TTC39A: variants seen among roughly 807,000 people sequenced by gnomAD.
The protein encoded by TTC39A is tetratricopeptide repeat domain 39A.
A neutral mutation model predicts 82.3 loss-of-function variants in TTC39A; 46 were observed. That is an observed-to-expected ratio of 0.56 (90% CI 0.44 to 0.71). TTC39A has a LOEUF of 0.71. TTC39A is among the 30% of genes least tolerant of loss of function. The pLI, the probability that TTC39A is intolerant of heterozygous loss-of-function variation, is 0.00. For synonymous variants in TTC39A, 254 were observed against 275.2 expected (o/e 0.92, Z 0.76); for missense variants, 543 against 712.9 (o/e 0.76, Z 2.71).
Position 51,294,528 on chromosome 1 carries a change from G to A in TTC39A, c.1146-17C>T, listed in dbSNP as rs1338912502. 1.2e-6 allele frequency: 2 copies of A among 1,613,494 alleles called. No individual in the cohort carries two copies. The highest frequency in any genetic ancestry group is 2.7e-5 in the African/African-American group (2 of 74,940). ...GGCACAGCTCTGCGAAAGAGATGGG[G>A]AGGGTGGGAGAGGATGAAAAAGAGC... On this transcript the variant is annotated splice_polypyrimidine_tract_variant and intron_variant, in intron 13 of 17. Transcript: ENST00000680483. This position sits in a 1 kb window ranked among gnomAD's most constrained non-coding sequence, Gnocchi z 4.3.
chr1:51,298,859 T>A (rs1049056022), intron 12 of TTC39A: 1 of 152,346 alleles, frequency 6.6e-6, no homozygotes. Flanking sequence ...TGGGCATGCC[T>A]TTAGCTCCTT....
At chr1:51,311,173 G>T in intron 5 of TTC39A, 81 bp downstream of exon 5, 2 of 1,362,720 alleles carry the variant, frequency 1.5e-6, no homozygotes, top group Non-Finnish European at 1.0e-6. Context: ...GGTCACAGTT[G>T]CTCTAGGGGA....
chr1:51,308,916 T>C (rs935400767), intron 6 of TTC39A, among the ~76,000 whole-genome samples: 6 of 152,122 alleles, frequency 3.9e-5, no homozygotes, highest in Non-Finnish European at 8.8e-5. Flanking sequence ...TTAACAGATG[T>C]GTAGGAGTTC....
chr1:51,330,386 G>T lies in TTC39A; in HGVS notation c.41+51C>A, dbSNP rs887640746. 18 of 967,966 alleles carry T rather than the reference G, an allele frequency of 1.9e-5. No individual in the cohort carries two copies. In the East Asian group the frequency reaches 2.0e-3, roughly 105 times the overall value. The allele number at this position is 967,966 out of a possible 1,614,324, so 60.0% of individuals were successfully genotyped here. A position where few individuals can be genotyped will look rare whatever the true frequency, so the allele number is the denominator to read the frequency against. ...TGGCGCGGCGCCCGCCACCTGCCCG[G>T]GCCCCAGCCCGCGCCGCCCGCGCCC... On this transcript the variant is annotated intron_variant, in intron 1 of 17. Coordinates refer to ENST00000680483, the MANE Select transcript of TTC39A (RefSeq NM_001297663.2). This position sits in a 1 kb window ranked among gnomAD's most constrained non-coding sequence, Gnocchi z 4.5.
chr1:51,331,662 T>C (rs1405609723), upstream of TTC39A: 2 of 985,078 alleles, frequency 2.0e-6, no homozygotes, highest in Admixed American at 1.2e-4. Flanking sequence ...GGAAAGGCAG[T>C]GAAGTCCCAT....
upstream of TTC39A, chr1:51,330,948 C>T: frequency 4.7e-6 from 3 of 636,236 alleles, no homozygotes; most frequent in Admixed American, 4.6e-5. The surrounding 1 kb of genome is among the most constrained non-coding windows in gnomAD (Gnocchi z 4.5). Context: ...CAGACAAAGA[C>T]AGCCCCCAGA....
chr1:51,310,340 G>A (rs1228803901), intron 5 of TTC39A, among the ~76,000 whole-genome samples: 1 of 152,186 alleles, frequency 6.6e-6, no homozygotes, highest in East Asian at 1.9e-4. Context: ...GCCCCAGGGT[G>A]AGGAGAGTTA....
intron 13 of TTC39A, chr1:51,295,742 T>C (rs1644390778): frequency 2.8e-6 from 1 of 363,520 alleles, no homozygotes; most frequent in Non-Finnish European, 5.2e-6. Flanking sequence ...TCAGGTTAAC[T>C]CAGCAGAGTG....
intron 1 of TTC39A, among the ~76,000 whole-genome samples, chr1:51,341,016 A>G (rs1646029655): frequency 6.6e-6 from 1 of 152,162 alleles, no homozygotes; most frequent in Admixed American, 6.5e-5. Flanking sequence ...TACTAAAAAT[A>G]CAAAATTAGC....
At chr1:51,309,512 G>C in intron 5 of TTC39A, 187 bp from the exon 6 acceptor site, 2 of 1,381,750 alleles carry the variant, frequency 1.4e-6, no homozygotes, top group Non-Finnish European at 1.9e-6. Context: ...GCCCAGGGTT[G>C]GACCAGCCTC....
Position 51,303,016 on chromosome 1 carries a change from G to T in TTC39A, c.763+68C>A, listed in dbSNP as rs1020776806. The T allele has an allele frequency of 3.6e-6, 5 of 1,375,114 alleles. No individual in the cohort carries two copies. In the African/African-American group the frequency reaches 5.7e-5, roughly 16 times the overall value. The allele number at this position is 1,375,114 out of a possible 1,614,324, so 85.2% of individuals were successfully genotyped here. ...CCACAGGGCATGAACAGGGTCTGTAGCCCCTCGTTCTCCTTCCCCCTTGGA... is the reference window on the plus strand; with the variant it reads ...CCACAGGGCATGAACAGGGTCTGTATCCCCTCGTTCTCCTTCCCCCTTGGA... On this transcript the variant is annotated intron_variant, in intron 9 of 17. Coordinates refer to ENST00000680483, the MANE Select transcript of TTC39A (RefSeq NM_001297663.2).
At chr1:51,325,215 T>G (rs918731375) in intron 1 of TTC39A, among the ~76,000 whole-genome samples, 4 of 151,480 alleles carry the variant, frequency 2.6e-5, no homozygotes, top group African/African-American at 7.3e-5. Context: ...GATCGCACCA[T>G]TACATTCCAG....
chr1:51,296,507 G>A (rs987094984), intron 12 of TTC39A, among the ~76,000 whole-genome samples: 8 of 152,250 alleles, frequency 5.3e-5, no homozygotes, highest in African/African-American at 1.9e-4. Flanking sequence ...GGCCCCTGAA[G>A]GGCAATGGGG....
At position 51,321,383 on chromosome 1, in the gene TTC39A, G is replaced by A. The variant is rs558755450; in HGVS notation, c.146+338C>T. Among the ~76,000 whole-genome samples the A allele has an allele frequency of 6.6e-5, 10 of 152,328 alleles. No individual in the cohort carries two copies. The highest frequency in any genetic ancestry group is 2.4e-4 in the African/African-American group (10 of 41,580). ...TGCCCTAAAACACCCAGGAAAGCAG[G>A]CAACCTAAGTCTTTAGTGCTTTGGG... is the stretch of plus-strand genomic sequence containing the variant. On this transcript the variant is annotated intron_variant, in intron 2 of 17. Coordinates refer to ENST00000680483, the MANE Select transcript of TTC39A (RefSeq NM_001297663.2). The surrounding 1 kb of genome is among the most constrained non-coding windows in gnomAD (Gnocchi z 4.6).
upstream of TTC39A, among the ~76,000 whole-genome samples, chr1:51,332,347 G>A (rs921269496): frequency 7.9e-5 from 12 of 152,114 alleles, no homozygotes; most frequent in Admixed American, 3.3e-4. Flanking sequence ...CACAACCTCC[G>A]TCTCCTGGGT....
upstream of TTC39A, chr1:51,331,215 C>T: frequency 1.4e-5 from 20 of 1,432,000 alleles, no homozygotes; most frequent in Non-Finnish European, 1.9e-5. Flanking sequence ...AACACTCTGG[C>T]CCCTTTCCCC....
intron 1 of TTC39A, among the ~76,000 whole-genome samples, chr1:51,340,286 G>C (rs1448608357): frequency 1.3e-5 from 2 of 152,210 alleles, no homozygotes; most frequent in Non-Finnish European, 2.9e-5. Context: ...GTCAGGGAGA[G>C]AAGGGCTGTG....
rs575259599 is a variant in TTC39A, at chr1:51,294,044, G to C, written c.1266+347C>G. ...AAAGGTTGGCCGAGTGAGGGGGACC[G>C]TGAAAACAATTATAATCATTGTGAC... On this transcript the variant is annotated intron_variant, in intron 14 of 17. Coordinates refer to ENST00000680483, the MANE Select transcript of TTC39A (RefSeq NM_001297663.2). This position sits in a 1 kb window ranked among gnomAD's most constrained non-coding sequence, Gnocchi z 4.3. Among the ~76,000 whole-genome samples, 1 of 152,210 alleles carries C rather than the reference G, an allele frequency of 6.6e-6. No individual in the cohort carries two copies. The highest frequency in any genetic ancestry group is 1.5e-5 in the Non-Finnish European group (1 of 68,036).
At chr1:51,290,856 G>A (rs1644183894) in intron 14 of TTC39A, among the ~76,000 whole-genome samples, 1 of 152,206 alleles carries the variant, frequency 6.6e-6, no homozygotes, top group Admixed American at 6.5e-5. Context: ...GATGTAAGAT[G>A]GACCAATGTC....
Sources: allele counts gnomAD v4.1 joint callset (sites outside exome capture counted in the v4.1 genomes callset), GRCh38; gene constraint gnomAD v4.1.1; non-coding constraint Gnocchi (gnomAD v3.1); transcripts MANE v1.5; gene names NCBI Gene and HGNC (gene_info 2026-07-23, HGNC 2026-07-21).